Variants in KHDRBS2 observed in about 807,000 individuals in gnomAD.
KHDRBS2 encodes KH RNA binding domain containing, signal transduction associated 2.
KHDRBS2 carries 26 observed loss-of-function variants against 44.3 expected under a neutral mutation model. The observed-to-expected ratio is 0.59, with a 90% CI of 0.43 to 0.81. The LOEUF is 0.81. Among genes scored for constraint, KHDRBS2 ranks in the 40% least tolerant of loss-of-function variants. The pLI is 0.00. For missense variants in KHDRBS2, 476 were observed against 433.1 expected (o/e 1.10, Z -0.88); for synonymous variants, 194 against 151.1 (o/e 1.28, Z -2.08).
the KHDRBS2 span, among the ~76,000 whole-genome samples, chr6:61,580,038 C>G: frequency 1.3e-5 from 2 of 152,110 alleles, no homozygotes; most frequent in Non-Finnish European, 2.9e-5. Flanking sequence ...GCCTGGGCAA[C>G]AAGAGCAAAA....
intron 1 of KHDRBS2, among the ~76,000 whole-genome samples, chr6:62,229,001 C>T (rs1832412788): frequency 6.6e-6 from 1 of 152,142 alleles, no homozygotes; most frequent in Admixed American, 6.5e-5. Context: ...GGAGCAGGAT[C>T]TGTTTAACAA....
the KHDRBS2 span, among the ~76,000 whole-genome samples, chr6:61,590,170 G>A: frequency 1.4e-4 from 21 of 152,050 alleles, no homozygotes; most frequent in East Asian, 1.9e-4. Context: ...AACAGGCCTC[G>A]GGGACTGGGA....
the KHDRBS2 span, among the ~76,000 whole-genome samples, chr6:61,570,732 C>T: frequency 2.0e-5 from 3 of 152,112 alleles, no homozygotes; most frequent in Non-Finnish European, 2.9e-5. Flanking sequence ...TCTGCAGAAA[C>T]TTTACAGCTC....
chr6:62,029,797 C>T (rs1784015795), intron 3 of KHDRBS2, among the ~76,000 whole-genome samples: 1 of 151,892 alleles, frequency 6.6e-6, no homozygotes, highest in Admixed American at 6.6e-5. Flanking sequence ...TTATATAAGA[C>T]ATTCAATGGA....
intron 3 of KHDRBS2, among the ~76,000 whole-genome samples, chr6:62,021,122 C>T (rs1782210031): frequency 6.6e-6 from 1 of 151,914 alleles, no homozygotes; most frequent in South Asian, 2.1e-4. Context: ...AGCAAAACGA[C>T]AAGAACAGAA....
At chr6:62,172,975 T>A (rs936349649) in intron 2 of KHDRBS2, among the ~76,000 whole-genome samples, 1 of 151,758 alleles carries the variant, frequency 6.6e-6, no homozygotes, top group Non-Finnish European at 1.5e-5. Context: ...AATGCCCATA[T>A]CACATAACTA....
At chr6:61,928,250 C>T (rs1245935434) in intron 4 of KHDRBS2, among the ~76,000 whole-genome samples, 2 of 152,034 alleles carry the variant, frequency 1.3e-5, no homozygotes, top group Non-Finnish European at 2.9e-5. Context: ...CTTCTGTATT[C>T]AAATTTATGC....
intron 4 of KHDRBS2, among the ~76,000 whole-genome samples, chr6:61,972,351 G>A (rs1771602221): frequency 6.6e-6 from 1 of 152,048 alleles, no homozygotes; most frequent in Admixed American, 6.6e-5. Flanking sequence ...TATCAGATAA[G>A]AAGAAATACT....
the KHDRBS2 span, among the ~76,000 whole-genome samples, chr6:61,661,525 C>G: frequency 6.6e-6 from 1 of 151,876 alleles, no homozygotes; most frequent in Non-Finnish European, 1.5e-5. Context: ...ATCCATCCAA[C>G]CTTTTGTATT....
chr6:61,960,892 C>A (rs76902830), intron 4 of KHDRBS2, among the ~76,000 whole-genome samples: 1 of 152,056 alleles, frequency 6.6e-6, no homozygotes, highest in East Asian at 1.9e-4. Flanking sequence ...GTTTTACCCA[C>A]TGAGTGCATG....
chr6:61,953,816 G>C (rs1282656088), intron 4 of KHDRBS2, among the ~76,000 whole-genome samples: 1 of 152,072 alleles, frequency 6.6e-6, no homozygotes, highest in Non-Finnish European at 1.5e-5. Context: ...AAATTTAAAG[G>C]CTGACTCAGA....
In KHDRBS2 at chr6:62,006,685, C is replaced by T. The variant is rs118106369; in HGVS notation, c.337-28473G>A. Among the ~76,000 whole-genome samples, 11 of 151,846 alleles carry T rather than the reference C, an allele frequency of 7.2e-5. No individual in the cohort carries two copies. The East Asian group carries it at 2.1e-3, about 29-fold the overall frequency. On this transcript the variant is annotated intron_variant, in intron 3 of 8. Coordinates refer to ENST00000281156, the MANE Select transcript of KHDRBS2 (RefSeq NM_152688.4). Reference sequence around the variant, plus strand: ...TTATCCTATACAAGACCATAGTAAACGTTTTAAAGGTAACTAATAAAGTAT... The same window carrying T: ...TTATCCTATACAAGACCATAGTAAATGTTTTAAAGGTAACTAATAAAGTAT...
intron 5 of KHDRBS2, among the ~76,000 whole-genome samples, chr6:61,899,739 C>CCG (rs988722142): frequency 5.7e-5 from 8 of 140,234 alleles, no homozygotes; most frequent in Admixed American, 1.5e-4. Context: ...TAATGCCCCC[C>CCG]CCCCGCATTT....
intron 2 of KHDRBS2, among the ~76,000 whole-genome samples, chr6:62,082,288 A>G (rs1489608527): frequency 1.4e-5 from 2 of 144,348 alleles, no homozygotes; most frequent in African/African-American, 5.2e-5. Flanking sequence ...TTCTTAGTTT[A>G]AAGAGAGAGC....
At chr6:61,628,168 T>G in the KHDRBS2 span, among the ~76,000 whole-genome samples, 1 of 151,454 alleles carries the variant, frequency 6.6e-6, no homozygotes, top group African/African-American at 2.4e-5. Context: ...AAACCTCTTA[T>G]GTGCTTTGGC....
chr6:61,649,597 G>C, the KHDRBS2 span, among the ~76,000 whole-genome samples: 3 of 152,118 alleles, frequency 2.0e-5, no homozygotes, highest in Admixed American at 2.0e-4. Flanking sequence ...AATGAAGATA[G>C]AACTGGTACT....
the KHDRBS2 span, among the ~76,000 whole-genome samples, chr6:61,604,935 T>A: frequency 1.3e-5 from 2 of 152,106 alleles, no homozygotes; most frequent in South Asian, 2.1e-4. Context: ...CCTTTATTAG[T>A]CAAATCACCC....
At chr6:61,570,877 T>C in the KHDRBS2 span, among the ~76,000 whole-genome samples, 1 of 151,534 alleles carries the variant, frequency 6.6e-6, no homozygotes, top group Non-Finnish European at 1.5e-5. Flanking sequence ...TGCTGAAGAG[T>C]TCACCACTAC....
At chr6:61,922,000 T>A (rs1360229325) in intron 4 of KHDRBS2, among the ~76,000 whole-genome samples, 18 of 152,032 alleles carry the variant, frequency 1.2e-4, no homozygotes, top group Admixed American at 7.9e-4. Context: ...TTTTTTTCTT[T>A]GACATCCATA....
Sources: allele counts gnomAD v4.1 joint callset (sites outside exome capture counted in the v4.1 genomes callset), GRCh38; gene constraint gnomAD v4.1.1; transcripts MANE v1.5; gene names NCBI Gene and HGNC (gene_info 2026-07-23, HGNC 2026-07-21).